EPHA6: variants seen among roughly 807,000 people sequenced by gnomAD.
EPHA6 encodes ephrin type-A receptor 6.
A neutral mutation model predicts 112.0 loss-of-function variants in EPHA6; 50 were observed. The ratio of observed to expected loss-of-function variants is 0.45; its 90% CI spans 0.36 to 0.56. The LOEUF is 0.56. Ranked by LOEUF, EPHA6 falls within the 20% of genes least tolerant of loss-of-function variation. The pLI is 0.00. For synonymous variants in EPHA6, 529 were observed against 490.7 expected (o/e 1.08, Z -1.03); for missense variants, 1,280 against 1,417.4 (o/e 0.90, Z 1.56).
At chr3:97,306,172 A>G (rs969229178) in intron 5 of EPHA6, among the ~76,000 whole-genome samples, 2 of 151,908 alleles carry the variant, frequency 1.3e-5, no homozygotes, top group African/African-American at 4.8e-5. Flanking sequence ...GTAGGTTGGT[A>G]CCTATCCCTC....
intron 1 of EPHA6, among the ~76,000 whole-genome samples, chr3:96,827,201 T>C (rs148439153): frequency 6.6e-6 from 1 of 152,232 alleles, no homozygotes; most frequent in East Asian, 1.9e-4. Context: ...TATAGTCTTC[T>C]CATTTGTCCA....
At chr3:96,913,636 A>G (rs2107609353) in intron 2 of EPHA6, among the ~76,000 whole-genome samples, 1 of 152,224 alleles carries the variant, frequency 6.6e-6, no homozygotes, top group East Asian at 1.9e-4. Flanking sequence ...GTCTGATTCT[A>G]CCACCTGCAT....
intron 5 of EPHA6, among the ~76,000 whole-genome samples, chr3:97,372,362 C>T (rs1253564743): frequency 6.6e-6 from 1 of 152,114 alleles, no homozygotes; most frequent in African/African-American, 2.4e-5. Context: ...TCAATTTGTA[C>T]AGTCCCTTTG....
chr3:97,068,545 A>G (rs1288817765), intron 3 of EPHA6, among the ~76,000 whole-genome samples: 2 of 152,084 alleles, frequency 1.3e-5, no homozygotes, highest in Non-Finnish European at 2.9e-5. Flanking sequence ...CATTCCCACT[A>G]TTAGTAGTTG....
At chr3:97,722,642 T>A (rs2107801710) in intron 15 of EPHA6, among the ~76,000 whole-genome samples, 1 of 151,958 alleles carries the variant, frequency 6.6e-6, no homozygotes, top group South Asian at 2.1e-4. Flanking sequence ...ATAAACAAAA[T>A]CGATAAGAGA....
chr3:96,925,582 A>C (rs2107641244), intron 2 of EPHA6, among the ~76,000 whole-genome samples: 1 of 150,774 alleles, frequency 6.6e-6, no homozygotes, highest in African/African-American at 2.4e-5. Flanking sequence ...TTTTTTTTCA[A>C]AAAACAAGCT....
At chr3:96,861,540 G>T (rs959478025) in intron 1 of EPHA6, among the ~76,000 whole-genome samples, 5 of 151,876 alleles carry the variant, frequency 3.3e-5, no homozygotes, top group African/African-American at 1.2e-4. Context: ...AAAACTGAAA[G>T]GTGTAATTTC....
intron 10 of EPHA6, among the ~76,000 whole-genome samples, chr3:97,491,217 A>T (rs2091828918): frequency 6.6e-6 from 1 of 152,226 alleles, no homozygotes; most frequent in South Asian, 2.1e-4. Flanking sequence ...TGCAGGGATC[A>T]TTGCAGGCCA....
At chr3:97,742,001 T>C (rs2035525210) in intron 16 of EPHA6, among the ~76,000 whole-genome samples, 1 of 151,994 alleles carries the variant, frequency 6.6e-6, no homozygotes. Flanking sequence ...TTGAAGAACA[T>C]TACTTGAAAA....
intron 1 of EPHA6, among the ~76,000 whole-genome samples, chr3:96,841,121 G>A (rs1175371939): frequency 6.6e-6 from 1 of 152,068 alleles, no homozygotes; most frequent in African/African-American, 2.4e-5. Flanking sequence ...TGTGTAAGAT[G>A]TACATTGGCT....
At chr3:97,745,723 G>A (rs1448927492) in intron 16 of EPHA6, among the ~76,000 whole-genome samples, 1 of 151,776 alleles carries the variant, frequency 6.6e-6, no homozygotes, top group South Asian at 2.1e-4. Context: ...TGAATTCTAG[G>A]CCTTCCAAGG....
intron 7 of EPHA6, chr3:97,466,135 A>G (rs2107414939): frequency 1.8e-6 from 1 of 541,172 alleles, no homozygotes. Flanking sequence ...TTTCTGTAGA[A>G]AAAGGTTGTT....
At chr3:97,211,413 A>G (rs1033701713) in intron 3 of EPHA6, among the ~76,000 whole-genome samples, 3 of 152,126 alleles carry the variant, frequency 2.0e-5, no homozygotes, top group Non-Finnish European at 4.4e-5. Flanking sequence ...GGGCTTCTGT[A>G]ACAAAATATC....
intron 8 of EPHA6, among the ~76,000 whole-genome samples, chr3:97,476,127 G>C (rs1415423502): frequency 2.6e-5 from 4 of 152,006 alleles, no homozygotes; most frequent in African/African-American, 7.2e-5. Flanking sequence ...ATACAGACGT[G>C]AATGAAGATA....
chr3:97,043,794 A>T (rs1286115592), intron 3 of EPHA6, among the ~76,000 whole-genome samples: 1 of 152,168 alleles, frequency 6.6e-6, no homozygotes, highest in Non-Finnish European at 1.5e-5. Context: ...ATATATTGTC[A>T]TACAAAGAAA....
chr3:96,967,786 C>A (rs977237001), intron 2 of EPHA6, among the ~76,000 whole-genome samples: 1 of 151,728 alleles, frequency 6.6e-6, no homozygotes, highest in Non-Finnish European at 1.5e-5. Context: ...TGAGTGCTAC[C>A]AAGTACTCTG....
chr3:97,284,831 C>T (rs758665655), intron 5 of EPHA6, among the ~76,000 whole-genome samples: 6 of 151,896 alleles, frequency 4.0e-5, no homozygotes, highest in Non-Finnish European at 7.4e-5. Context: ...TACACCAGTG[C>T]AATAATTAAA....
rs139164119 is a variant in EPHA6, at chr3:97,028,845, TTTTG to T, written c.1114+40856_1114+40859del. The stretch of plus-strand genomic sequence containing the variant: ...TATGAACATTATGTCATTTGATAAT[TTTTG>T]TTTAATTCTTGATCTGTTAAATGTT... On this transcript the variant is annotated intron_variant, in intron 3 of 17. Transcript: ENST00000389672. Among the ~76,000 whole-genome samples, 418 of 152,104 alleles carry T rather than the reference TTTTG, an allele frequency of 2.7e-3. 4 individuals carry two copies. Among genetic ancestry groups the T allele is most frequent in the African/African-American group, 9.2e-3 (382 of 41,554 alleles).
At chr3:97,408,656 C>T (rs1377730129) in intron 6 of EPHA6, among the ~76,000 whole-genome samples, 1 of 151,958 alleles carries the variant, frequency 6.6e-6, no homozygotes, top group Admixed American at 6.6e-5. Flanking sequence ...GGTTCATAGA[C>T]AGTGGTTTTC....
Sources: gnomAD v4.1 joint callset for allele counts (sites outside exome capture counted in the v4.1 genomes callset) on GRCh38, gnomAD v4.1.1 for gene constraint, MANE v1.5 for transcripts, NCBI Gene and HGNC (gene_info 2026-07-23, HGNC 2026-07-21) for gene names.